Variants in GLIS1 observed in about 807,000 individuals in gnomAD.
The protein encoded by GLIS1 is GLIS family zinc finger 1.
In GLIS1, 24 loss-of-function variants were observed where a neutral mutation model predicts 63.8. The ratio of observed to expected loss-of-function variants is 0.38; its 90% CI spans 0.27 to 0.53. GLIS1 has a LOEUF of 0.53. Ranked by LOEUF, GLIS1 falls within the 20% of genes least tolerant of loss-of-function variation. The probability of loss-of-function intolerance (pLI) is 0.85; values close to 1 mark genes in which losing one functional copy is unlikely to be tolerated. For synonymous variants in GLIS1, 450 were observed against 482.5 expected, an observed-to-expected ratio of 0.93 and a Z score of 0.88; for missense variants, 1,036 against 1,074.1, an observed-to-expected ratio of 0.96 and a Z score of 0.50.
At chr1:53,538,634 G>T (rs12120620) in intron 4 of GLIS1, among the ~76,000 whole-genome samples, 1 of 152,122 alleles carries the variant, frequency 6.6e-6, no homozygotes, top group South Asian at 2.1e-4. Context: ...GGAGGGCTGG[G>T]GGCACACAGT....
At chr1:53,551,061 G>A (rs1413925778) in intron 4 of GLIS1, among the ~76,000 whole-genome samples, 2 of 152,002 alleles carry the variant, frequency 1.3e-5, no homozygotes, top group African/African-American at 2.4e-5. Context: ...ATGTTAGGCC[G>A]GTTTTGAACT....
intron 2 of GLIS1, among the ~76,000 whole-genome samples, chr1:53,614,912 A>C (rs80021757): frequency 7.8e-6 from 1 of 127,666 alleles, no homozygotes; most frequent in Non-Finnish European, 1.6e-5. Flanking sequence ...GCACACACTC[A>C]CACACACTCT....
At position 53,574,173 on chromosome 1, in the gene GLIS1, G is replaced by A. The variant is rs961933304; in HGVS notation, c.1320+19935C>T. ...CCAAGTTCCTTCCAGGGCACTGTCCGTGAGGCCCTCCCTGGTCCAGCACAG... is the reference window on the plus strand; with the variant it reads ...CCAAGTTCCTTCCAGGGCACTGTCCATGAGGCCCTCCCTGGTCCAGCACAG... On this transcript the variant is annotated intron_variant, in intron 4 of 10. Coordinates refer to ENST00000628545, the MANE Select transcript of GLIS1 (RefSeq NM_001367484.1). The surrounding 1 kb of genome is among the most constrained non-coding windows in gnomAD (Gnocchi z 4.2). 2.0e-5 allele frequency among the ~76,000 whole-genome samples: 3 copies of A among 152,220 alleles called. No individual in the cohort carries two copies. The highest frequency in any genetic ancestry group is 4.2e-4 in the South Asian group (2 of 4,812).
chr1:53,652,752 T>A (rs897404193), intron 2 of GLIS1, among the ~76,000 whole-genome samples: 2 of 152,038 alleles, frequency 1.3e-5, no homozygotes, highest in Non-Finnish European at 2.9e-5. Context: ...AAAACCAAGA[T>A]CCAAGGTGAC....
intron 4 of GLIS1, among the ~76,000 whole-genome samples, chr1:53,546,693 C>G (rs757352988): frequency 1.3e-5 from 2 of 152,244 alleles, no homozygotes; most frequent in Non-Finnish European, 2.9e-5. Context: ...ACCAAGGTGC[C>G]TCTGCTGCTA....
At chr1:53,651,698 A>C (rs1473109280) in intron 2 of GLIS1, among the ~76,000 whole-genome samples, 2 of 152,086 alleles carry the variant, frequency 1.3e-5, no homozygotes, top group Non-Finnish European at 2.9e-5. Flanking sequence ...CAACATAGTG[A>C]CACCCTGTCT....
chr1:53,666,797 G>C (rs1381403729), intron 2 of GLIS1, among the ~76,000 whole-genome samples: 3 of 152,180 alleles, frequency 2.0e-5, no homozygotes, highest in Non-Finnish European at 4.4e-5. Flanking sequence ...GGAGCCAGCA[G>C]GGCAGGGGTG....
chr1:53,539,357 C>G lies in GLIS1; in HGVS notation c.1321-9405G>C, dbSNP rs746786582. ...CACATACCATATCCCCACATATATA[C>G]CACATAACACACCCACACATATCAT... On this transcript the variant is annotated intron_variant, in intron 4 of 10. Transcript: ENST00000628545. This position sits in a 1 kb window ranked among gnomAD's most constrained non-coding sequence, Gnocchi z 5.0. Among the ~76,000 whole-genome samples, 1 of 151,324 alleles carries G rather than the reference C, an allele frequency of 6.6e-6. No homozygotes were observed. The highest frequency in any genetic ancestry group is 3.4e-3 in the Middle Eastern group (1 of 294).
intron 2 of GLIS1, among the ~76,000 whole-genome samples, chr1:53,660,562 G>A (rs545798242): frequency 2.1e-4 from 32 of 152,236 alleles, no homozygotes; most frequent in East Asian, 1.9e-4. Context: ...AAGGGTAGAG[G>A]AGGACAGGAC....
intron 2 of GLIS1, among the ~76,000 whole-genome samples, chr1:53,632,260 TGA>T (rs753935442): frequency 2.7e-5 from 4 of 147,672 alleles, no homozygotes; most frequent in Non-Finnish European, 4.5e-5. Flanking sequence ...TGAGTGTGAC[TGA>T]GGGGCATGTG....
intron 4 of GLIS1, among the ~76,000 whole-genome samples, chr1:53,564,257 G>A (rs1557453079): frequency 6.6e-6 from 1 of 152,152 alleles, no homozygotes; most frequent in Non-Finnish European, 1.5e-5. Flanking sequence ...TGGGGAGGGA[G>A]TTAAGGTATT....
chr1:53,625,547 A>G (rs1268732601), intron 2 of GLIS1, among the ~76,000 whole-genome samples: 1 of 152,122 alleles, frequency 6.6e-6, no homozygotes, highest in African/African-American at 2.4e-5. Flanking sequence ...AAAAACATTG[A>G]TTGCACATCT....
At chr1:53,692,767 A>G (rs1646420310) in intron 2 of GLIS1, among the ~76,000 whole-genome samples, 1 of 152,208 alleles carries the variant, frequency 6.6e-6, no homozygotes, top group Non-Finnish European at 1.5e-5. Flanking sequence ...AGGCCATCCT[A>G]GCTCGGGCCT....
intron 2 of GLIS1, among the ~76,000 whole-genome samples, chr1:53,642,907 G>A (rs2100295485): frequency 6.6e-6 from 1 of 152,354 alleles, no homozygotes; most frequent in East Asian, 1.9e-4. Flanking sequence ...AGTGCCCAGT[G>A]CAGGCCTGGC....
At chr1:53,643,007 A>G (rs1645803678) in intron 2 of GLIS1, among the ~76,000 whole-genome samples, 1 of 152,156 alleles carries the variant, frequency 6.6e-6, no homozygotes, top group South Asian at 2.1e-4. Flanking sequence ...AAACCACCAC[A>G]GGGCTGGGAC....
intron 4 of GLIS1, among the ~76,000 whole-genome samples, chr1:53,538,525 C>T (rs1644605564): frequency 6.6e-6 from 1 of 152,174 alleles, no homozygotes; most frequent in Non-Finnish European, 1.5e-5. Flanking sequence ...GAGGTCTGTG[C>T]CCTGGGCACA....
chr1:53,723,887 T>TAAG (rs1413912223), intron 2 of GLIS1, among the ~76,000 whole-genome samples: 6 of 152,154 alleles, frequency 3.9e-5, no homozygotes, highest in Non-Finnish European at 8.8e-5. Context: ...ATTCTGCCAT[T>TAAG]CCCGTTTAAG....
chr1:53,521,013 G>C (rs935173159), intron 6 of GLIS1, among the ~76,000 whole-genome samples: 10 of 152,220 alleles, frequency 6.6e-5, no homozygotes, highest in Non-Finnish European at 1.2e-4. Flanking sequence ...TGGGAGACGT[G>C]CCATCTGTGA....
intron 2 of GLIS1, among the ~76,000 whole-genome samples, chr1:53,691,271 TGCCCAG>T (rs1462573012): frequency 1.3e-5 from 2 of 152,158 alleles, no homozygotes; most frequent in Non-Finnish European, 1.5e-5. Flanking sequence ...GGAGCTTCAG[TGCCCAG>T]GCCCAGCCTC....
Sources: gnomAD v4.1 joint callset for allele counts (sites outside exome capture counted in the v4.1 genomes callset) on GRCh38, gnomAD v4.1.1 for gene constraint, Gnocchi (gnomAD v3.1) non-coding constraint, MANE v1.5 for transcripts, NCBI Gene and HGNC (gene_info 2026-07-23, HGNC 2026-07-21) for gene names.